Variants in GPM6A observed in about 807,000 individuals in gnomAD.
GPM6A encodes the protein glycoprotein M6A.
GPM6A carries 7 observed loss-of-function variants against 32.1 expected under a neutral mutation model. The ratio of observed to expected loss-of-function variants is 0.22; its 90% CI spans 0.12 to 0.41. The LOEUF (loss-of-function observed/expected upper bound fraction) is 0.41. GPM6A is among the 10% of genes least tolerant of loss of function. The pLI is 1.00. For missense variants in GPM6A, 235 were observed against 347.2 expected (o/e 0.68, Z 2.57); for synonymous variants, 130 against 123.4 (o/e 1.05, Z -0.35).
intron 1 of GPM6A, chr4:176,002,232 A>T: frequency 2.1e-6 from 3 of 1,440,336 alleles, no homozygotes; most frequent in Admixed American, 3.7e-5. Flanking sequence ...GCCGAGGAAC[A>T]TTCATTTTCT....
chr4:175,698,783 T>G (rs933266432), intron 2 of GPM6A, among the ~76,000 whole-genome samples: 4 of 152,182 alleles, frequency 2.6e-5, no homozygotes, highest in Non-Finnish European at 4.4e-5. Flanking sequence ...ATTCCAAACA[T>G]GCATTATTGG....
At chr4:175,793,972 G>A (rs976246428) in intron 1 of GPM6A, among the ~76,000 whole-genome samples, 3 of 151,426 alleles carry the variant, frequency 2.0e-5, no homozygotes, top group African/African-American at 7.3e-5. Context: ...TTTAACCTTT[G>A]TCAATTTATG....
intron 1 of GPM6A, among the ~76,000 whole-genome samples, chr4:175,754,638 C>G (rs1384133215): frequency 2.0e-5 from 3 of 152,092 alleles, no homozygotes; most frequent in South Asian, 2.1e-4. Flanking sequence ...TACTTCTAAG[C>G]ACAATAACAC....
chr4:175,720,148 G>A (rs1443372858), intron 1 of GPM6A, among the ~76,000 whole-genome samples: 1 of 152,048 alleles, frequency 6.6e-6, no homozygotes, highest in African/African-American at 2.4e-5. Context: ...ACTTTTAGAC[G>A]GTAGAGGCTG....
chr4:175,703,018 T>C (rs1744964729), intron 1 of GPM6A, among the ~76,000 whole-genome samples: 1 of 152,218 alleles, frequency 6.6e-6, no homozygotes. Context: ...TTTATTCTTT[T>C]GAGCTTATTG....
At chr4:175,664,322 C>A (rs1368204411) in intron 3 of GPM6A, among the ~76,000 whole-genome samples, 1 of 152,078 alleles carries the variant, frequency 6.6e-6, no homozygotes, top group Non-Finnish European at 1.5e-5. Context: ...AGAATAAACC[C>A]TGATTTAAAC....
intron 1 of GPM6A, among the ~76,000 whole-genome samples, chr4:175,804,046 A>G (rs1734581877): frequency 6.6e-6 from 1 of 152,148 alleles, no homozygotes; most frequent in Non-Finnish European, 1.5e-5. Context: ...GGCTTTGGTA[A>G]TACATTGGTA....
chr4:175,686,699 T>C (rs1011669221), intron 2 of GPM6A, among the ~76,000 whole-genome samples: 6 of 152,258 alleles, frequency 3.9e-5, no homozygotes, highest in Non-Finnish European at 7.3e-5. Context: ...TATGAGAGAA[T>C]ACATTTCTGC....
intron 2 of GPM6A, among the ~76,000 whole-genome samples, chr4:175,692,247 G>C (rs1744339992): frequency 6.6e-6 from 1 of 151,882 alleles, no homozygotes; most frequent in South Asian, 2.1e-4. Context: ...TTCTTCCCTG[G>C]GATAAATTCC....
intron 3 of GPM6A, among the ~76,000 whole-genome samples, chr4:175,661,434 C>CAAAAAAAAAAAAA (rs3032612): frequency 8.9e-6 from 1 of 111,876 alleles, no homozygotes; most frequent in Non-Finnish European, 1.7e-5. Context: ...GACTCTGTCT[C>CAAAAAAAAAAAAA]AAAAAAAAAA....
At chr4:175,770,026 A>T (rs1445153392) in intron 1 of GPM6A, among the ~76,000 whole-genome samples, 1 of 151,976 alleles carries the variant, frequency 6.6e-6, no homozygotes, top group Non-Finnish European at 1.5e-5. Context: ...AGAGATACCC[A>T]GTTTTTTGTT....
intron 1 of GPM6A, chr4:175,781,194 TCAAA>T (rs1733601773): frequency 6.6e-6 from 1 of 151,944 alleles, no homozygotes; most frequent in African/African-American, 2.4e-5. Context: ...ATAACACGAC[TCAAA>T]CAACACCCAC....
At chr4:175,839,478 C>T (rs554708709) in intron 1 of GPM6A, among the ~76,000 whole-genome samples, 4 of 152,236 alleles carry the variant, frequency 2.6e-5, no homozygotes, top group Admixed American at 1.3e-4. Context: ...AAAACATTCT[C>T]TTTTTGAAAG....
At chr4:175,817,142 G>A (rs987497072), upstream of GPM6A, among the ~76,000 whole-genome samples, 2 of 152,196 alleles carry the variant, frequency 1.3e-5, no homozygotes, top group African/African-American at 2.4e-5. Context: ...ACGGGCGTGA[G>A]CCACCGCCCC....
chr4:175,883,043 T>TA (rs1250843425), intron 1 of GPM6A, among the ~76,000 whole-genome samples: 2 of 152,062 alleles, frequency 1.3e-5, no homozygotes, highest in African/African-American at 4.8e-5. Flanking sequence ...CACACTAAAG[T>TA]ACAATGGAGA....
intron 1 of GPM6A, among the ~76,000 whole-genome samples, chr4:175,738,842 C>T (rs538455974): frequency 6.6e-6 from 1 of 152,018 alleles, no homozygotes; most frequent in South Asian, 2.1e-4. Flanking sequence ...TGCTGAGCTC[C>T]ACCCTCCCTA....
chr4:175,984,112 A>G (rs1048828456), intron 1 of GPM6A, among the ~76,000 whole-genome samples: 2 of 151,886 alleles, frequency 1.3e-5, no homozygotes, highest in Non-Finnish European at 2.9e-5. Flanking sequence ...GACATCCATG[A>G]TTACTTATTC....
chr4:175,682,432 C>T (rs545572152), intron 2 of GPM6A, among the ~76,000 whole-genome samples: 3 of 152,148 alleles, frequency 2.0e-5, no homozygotes, highest in African/African-American at 7.2e-5. Flanking sequence ...TCAAGCAGGA[C>T]GTGGAGCAAT....
intron 1 of GPM6A, among the ~76,000 whole-genome samples, chr4:175,976,162 T>C (rs913151201): frequency 2.0e-5 from 3 of 150,976 alleles, no homozygotes; most frequent in Admixed American, 2.0e-4. Flanking sequence ...GTCGTCTTTT[T>C]TTTTTTTTTT....
Sources: allele counts gnomAD v4.1 joint callset (sites outside exome capture counted in the v4.1 genomes callset), GRCh38; gene constraint gnomAD v4.1.1; transcripts MANE v1.5; gene names NCBI Gene and HGNC (gene_info 2026-07-23, HGNC 2026-07-21).